Variants in CYP39A1 observed in about 807,000 individuals in gnomAD.
CYP39A1 encodes cytochrome P450 family 39 subfamily A member 1.
Under a neutral mutation model 58.1 loss-of-function variants are expected in CYP39A1, and 49 were observed. The observed-to-expected ratio is 0.84, with a 90% CI of 0.67 to 1.07. CYP39A1 has a LOEUF of 1.07. Among genes scored for constraint, CYP39A1 ranks in the 50% least tolerant of loss-of-function variants. The pLI, the probability that CYP39A1 is intolerant of heterozygous loss-of-function variation, is 0.00. For synonymous variants in CYP39A1, 209 were observed against 187.6 expected (o/e 1.11, Z -0.93); for missense variants, 531 against 539.4 (o/e 0.98, Z 0.16).
chr6:46,606,886 T>C (rs1391666561), intron 7 of CYP39A1, among the ~76,000 whole-genome samples: 1 of 152,196 alleles, frequency 6.6e-6, no homozygotes, highest in East Asian at 1.9e-4. Context: ...CCATATCTGT[T>C]ATGTGCTAGC....
chr6:46,630,137 A>AAAAC lies in CYP39A1; in HGVS notation c.840+825_840+826insGTTT, dbSNP rs1554166479. 8.1e-4 allele frequency among the ~76,000 whole-genome samples: 123 copies of AAAAC among 151,812 alleles called. 3 individuals carry two copies. The South Asian group carries it at 0.012, about 15-fold the overall frequency. On this transcript the variant is annotated intron_variant, in intron 6 of 11. Transcript: ENST00000275016. ...ACAAAACAACAACAACAACAAAAAAACCCACAAAAAACAGTTTTTTAAGTC... is the reference window on the plus strand; with the variant it reads ...ACAAAACAACAACAACAACAAAAAAAAAACCCCACAAAAAACAGTTTTTTAAGTC...
chr6:46,649,180 A>G (rs1383500697), intron 1 of CYP39A1, among the ~76,000 whole-genome samples: 1 of 152,208 alleles, frequency 6.6e-6, no homozygotes, highest in Admixed American at 6.5e-5. Flanking sequence ...AGTTTTTCAC[A>G]GGCTACTGGA....
intron 10 of CYP39A1, among the ~76,000 whole-genome samples, chr6:46,557,755 G>A (rs1226603452): frequency 4.0e-5 from 6 of 150,512 alleles, no homozygotes; most frequent in Non-Finnish European, 7.4e-5. Flanking sequence ...TGGCCAAGAT[G>A]GTGAAATCCC....
intron 10 of CYP39A1, chr6:46,586,127 G>T: frequency 1.4e-6 from 1 of 724,646 alleles, no homozygotes; most frequent in Non-Finnish European, 1.7e-6. Flanking sequence ...TAGGGGAAGC[G>T]TAAATTACCA....
intron 7 of CYP39A1, among the ~76,000 whole-genome samples, chr6:46,606,181 T>C (rs929692696): frequency 1.3e-5 from 2 of 152,188 alleles, no homozygotes; most frequent in African/African-American, 4.8e-5. Context: ...ATTAATAATA[T>C]AGAAACAGAA....
At chr6:46,625,108 G>A (rs993907419) in intron 7 of CYP39A1, among the ~76,000 whole-genome samples, 2 of 152,000 alleles carry the variant, frequency 1.3e-5, no homozygotes, top group East Asian at 1.9e-4. Context: ...TCATTCAATT[G>A]AGGTGAGGAT....
intron 7 of CYP39A1, among the ~76,000 whole-genome samples, chr6:46,617,615 G>A (rs1377632149): frequency 6.6e-6 from 1 of 152,126 alleles, no homozygotes; most frequent in Non-Finnish European, 1.5e-5. Context: ...TTTGAAACAA[G>A]GAGATTTGCT....
chr6:46,642,678 G>A (rs1390458281), intron 1 of CYP39A1, among the ~76,000 whole-genome samples: 4 of 152,076 alleles, frequency 2.6e-5, no homozygotes, highest in African/African-American at 7.2e-5. Flanking sequence ...CAACAAAAAG[G>A]TTCAAAATTG....
intron 8 of CYP39A1, among the ~76,000 whole-genome samples, chr6:46,591,897 C>T (rs928291170): frequency 6.6e-6 from 1 of 152,072 alleles, no homozygotes; most frequent in African/African-American, 2.4e-5. Flanking sequence ...AACATCTGGT[C>T]TGACACCGGG....
At chr6:46,620,179 T>C (rs9472802) in intron 7 of CYP39A1, among the ~76,000 whole-genome samples, 29,996 of 151,974 alleles carry the variant, frequency 0.2, 3,248 homozygotes, top group African/African-American at 0.29. Context: ...AAACCCCTCT[T>C]TATATCTCCA....
At chr6:46,611,910 T>TA (rs756299852) in intron 7 of CYP39A1, among the ~76,000 whole-genome samples, 36 of 151,720 alleles carry the variant, frequency 2.4e-4, no homozygotes, top group Non-Finnish European at 3.8e-4. Flanking sequence ...TCCTAAAGAA[T>TA]AAAAAAAAGA....
intron 7 of CYP39A1, among the ~76,000 whole-genome samples, chr6:46,600,999 C>G (rs1300951310): frequency 6.6e-6 from 1 of 151,990 alleles, no homozygotes; most frequent in Non-Finnish European, 1.5e-5. Flanking sequence ...GGGACTGAGC[C>G]CCTAACCTGT....
At chr6:46,630,411 G>A (rs1775582992) in intron 6 of CYP39A1, among the ~76,000 whole-genome samples, 1 of 152,056 alleles carries the variant, frequency 6.6e-6, no homozygotes, top group African/African-American at 2.4e-5. Context: ...CACAGTGGGA[G>A]GTTCACATAC....
chr6:46,573,045 T>C (rs2150495820), intron 10 of CYP39A1, among the ~76,000 whole-genome samples: 1 of 152,198 alleles, frequency 6.6e-6, no homozygotes, highest in Admixed American at 6.5e-5. Flanking sequence ...ACTTCCAGTT[T>C]TATTCATATA....
intron 5 of CYP39A1, 34 bp from the exon 6 acceptor site, chr6:46,631,104 G>T (rs901790728): frequency 1.4e-6 from 2 of 1,455,656 alleles, no homozygotes; most frequent in Non-Finnish European, 1.9e-6. Context: ...CCAAACCATG[G>T]CTATGTGACA....
intron 7 of CYP39A1, among the ~76,000 whole-genome samples, chr6:46,618,874 A>T (rs893903028): frequency 6.6e-6 from 1 of 152,106 alleles, no homozygotes; most frequent in Non-Finnish European, 1.5e-5. Flanking sequence ...AGCCTGGAGC[A>T]TACCTTTGAC....
intron 8 of CYP39A1, among the ~76,000 whole-genome samples, chr6:46,590,561 T>A (rs566071190): frequency 7.9e-5 from 12 of 152,116 alleles, no homozygotes; most frequent in African/African-American, 2.9e-4. Flanking sequence ...AAAAACAAAA[T>A]AAGTATTTTT....
intron 10 of CYP39A1, among the ~76,000 whole-genome samples, chr6:46,564,138 CTATTCTATTT>C (rs1266421650): frequency 0.1 from 12,362 of 118,876 alleles, 785 homozygotes; most frequent in Non-Finnish European, 0.12. Flanking sequence ...CTATTTTATT[CTATTCTATTT>C]TATTCTATTT....
Position 46,616,282 on chromosome 6 carries a change from T to C in CYP39A1, c.931+9136A>G, listed in dbSNP as rs9472798. Among the ~76,000 whole-genome samples the C allele has an allele frequency of 8.4e-4, 98 of 116,400 alleles. 4 individuals are homozygous for C. Among genetic ancestry groups the C allele is most frequent in the African/African-American group, 2.8e-3 (72 of 25,528 alleles). 76.4% of individuals were successfully genotyped at this position (116,400 alleles called of 152,430 possible). A position where few individuals can be genotyped will look rare whatever the true frequency, so the allele number is the denominator to read the frequency against. ...TTTCTTCCTTCCTTCCTTCCTTCCT[T>C]CATCTTGCTCTGTTGCCCAGCCTGG... On this transcript the variant is annotated intron_variant, in intron 7 of 11. Transcript: ENST00000275016.
Sources: gnomAD v4.1 joint callset for allele counts (sites outside exome capture counted in the v4.1 genomes callset) on GRCh38, gnomAD v4.1.1 for gene constraint, MANE v1.5 for transcripts, NCBI Gene and HGNC (gene_info 2026-07-23, HGNC 2026-07-21) for gene names.